Variants in CLEC2A observed in about 807,000 individuals in gnomAD.
CLEC2A encodes the protein C-type lectin domain family 2 member A, also known as keratinocyte-associated C-type lectin.
Under a neutral mutation model 18.6 loss-of-function variants are expected in CLEC2A, and 19 were observed. That is an observed-to-expected ratio of 1.02 (90% CI 0.71 to 1.50). The LOEUF (loss-of-function observed/expected upper bound fraction) is 1.50, where lower values mean the gene tolerates loss of function less well. CLEC2A is among the 40% of genes most tolerant of loss of function. The pLI, the probability that CLEC2A is intolerant of heterozygous loss-of-function variation, is 0.00. For synonymous variants in CLEC2A, 74 were observed against 64.0 expected (o/e 1.16, Z -0.75); for missense variants, 190 against 207.9 (o/e 0.91, Z 0.53).
chr12:9,889,010 G>A, the CLEC2A span, among the ~76,000 whole-genome samples: 2 of 152,132 alleles, frequency 1.3e-5, no homozygotes, highest in South Asian at 4.1e-4. Context: ...GTTTTAGTGA[G>A]TCAACAACAG....
At chr12:9,888,500 T>A in the CLEC2A span, among the ~76,000 whole-genome samples, 69 of 149,858 alleles carry the variant, frequency 4.6e-4, no homozygotes, top group African/African-American at 1.7e-3. Flanking sequence ...AAAAAAAAAA[T>A]AAAAATAATA....
At chr12:9,904,882 G>A (rs886086328) in intron 4 of CLEC2A, among the ~76,000 whole-genome samples, 1 of 152,092 alleles carries the variant, frequency 6.6e-6, no homozygotes, top group Non-Finnish European at 1.5e-5. Context: ...GTCCATGTTG[G>A]GTGGTCTGCC....
At position 9,913,603 on chromosome 12, in the gene CLEC2A, A is replaced by T. The variant is rs1410571942; in HGVS notation, c.488T>A (p.Ile163Asn). The T allele has an allele frequency of 9.0e-6, 14 of 1,549,856 alleles. No homozygotes were observed. The highest frequency in any genetic ancestry group is 6.0e-5 in the South Asian group (5 of 83,880). ...TTTAGGTTTGCTGCAAATCCACTTG[A>T]TATCAATAAATCCTCTGGAACTATG... is the stretch of plus-strand genomic sequence containing the variant. The part of the protein sequence containing the change: ...GVHSSRGFID[I>N]KWICSKPKYF... Residue 163 changes from isoleucine to asparagine, a missense_variant, in exon 5 of 5, where the codon ATC becomes AAC. Transcript: ENST00000455827.
chr12:9,881,722 G>A, the CLEC2A span: 65 of 1,200,810 alleles, frequency 5.4e-5, no homozygotes, highest in Non-Finnish European at 7.5e-5. Flanking sequence ...TCTAGGAAGA[G>A]AATTATCTTA....
At chr12:9,884,982 G>A in the CLEC2A span, 7 of 1,349,760 alleles carry the variant, frequency 5.2e-6, no homozygotes, top group Non-Finnish European at 5.7e-6. Flanking sequence ...ATATTTGGAT[G>A]CATTGTGATC....
chr12:9,887,576 T>A, the CLEC2A span, among the ~76,000 whole-genome samples: 6 of 152,182 alleles, frequency 3.9e-5, no homozygotes, highest in Non-Finnish European at 2.9e-5. Context: ...TTGGATAGAA[T>A]GAAGCTAGCC....
chr12:9,897,909 G>A (rs573573564), downstream of CLEC2A, among the ~76,000 whole-genome samples: 1 of 152,222 alleles, frequency 6.6e-6, no homozygotes, highest in African/African-American at 2.4e-5. Context: ...AGCATTTGGT[G>A]GAAAATAGAC....
the CLEC2A span, among the ~76,000 whole-genome samples, chr12:9,882,538 G>A: frequency 1.3e-5 from 2 of 152,164 alleles, no homozygotes; most frequent in African/African-American, 4.8e-5. Context: ...AGCACTTTGG[G>A]ATGCAGAGGT....
chr12:9,881,669 G>A, the CLEC2A span: 3 of 1,530,378 alleles, frequency 2.0e-6, no homozygotes, highest in Non-Finnish European at 1.8e-6. Context: ...TCTAAAGGTA[G>A]GAATACTGCT....
chr12:9,889,066 C>T, the CLEC2A span, among the ~76,000 whole-genome samples: 7 of 152,292 alleles, frequency 4.6e-5, no homozygotes, highest in South Asian at 2.1e-4. Context: ...AAATATTTAT[C>T]GAGCATCCAC....
chr12:9,926,343 A>G lies in CLEC2A; in HGVS notation c.56T>C (p.Val19Ala). Residue 19 changes from valine to alanine, a missense_variant and splice_region_variant, in exon 2 of 5, where the codon GTT becomes GCT. Transcript: ENST00000455827. ...CTTCCAGTTTTGTATCAACTTGGGA[A>G]CTGCAAATTAAATCAACACATATTT... is the stretch of plus-strand genomic sequence containing the variant. ...GRADGFIHRI[V>A]PKLIQNWKIG... The G allele has an allele frequency of 6.5e-7, 1 of 1,536,138 alleles. No homozygotes were observed. The highest frequency in any genetic ancestry group is 8.8e-7 in the Non-Finnish European group (1 of 1,133,408).
intron 4 of CLEC2A, among the ~76,000 whole-genome samples, chr12:9,906,775 C>T (rs1019107976): frequency 6.6e-6 from 1 of 152,190 alleles, no homozygotes; most frequent in Non-Finnish European, 1.5e-5. Context: ...ACAAATACCA[C>T]CCAGTTTTGA....
At chr12:9,891,565 C>T in the CLEC2A span, among the ~76,000 whole-genome samples, 1 of 152,186 alleles carries the variant, frequency 6.6e-6, no homozygotes, top group East Asian at 1.9e-4. Context: ...TATCCCCTCT[C>T]AAATCATAAC....
At chr12:9,913,750 G>C in intron 4 of CLEC2A, 70 bp from the exon 5 acceptor site, 1 of 998,792 alleles carries the variant, frequency 1.0e-6, no homozygotes, top group Non-Finnish European at 1.5e-6. Context: ...ATTAATAATA[G>C]AGTGATTTTA....
At chr12:9,909,875 T>C (rs1862958583), downstream of CLEC2A, among the ~76,000 whole-genome samples, 1 of 150,812 alleles carries the variant, frequency 6.6e-6, no homozygotes, top group African/African-American at 2.4e-5. Context: ...AGGGGGAGAA[T>C]TGGGGGTATT....
intron 2 of CLEC2A, among the ~76,000 whole-genome samples, chr12:9,923,772 T>C (rs993723350): frequency 2.0e-5 from 3 of 152,142 alleles, no homozygotes; most frequent in Non-Finnish European, 4.4e-5. Context: ...GTTCATGTCC[T>C]TTGTAGGGAC....
chr12:9,928,456 C>T (rs1053235478), intron 1 of CLEC2A, among the ~76,000 whole-genome samples: 3 of 151,572 alleles, frequency 2.0e-5, no homozygotes, highest in Non-Finnish European at 4.4e-5. Context: ...CAGAGTGAGG[C>T]TCTGTCTTAA....
At chr12:9,918,305 T>A (rs1863105518) in intron 3 of CLEC2A, among the ~76,000 whole-genome samples, 1 of 152,212 alleles carries the variant, frequency 6.6e-6, no homozygotes, top group African/African-American at 2.4e-5. Context: ...CTTGCTTCAA[T>A]CCTTTGCATA....
chr12:9,931,712 G>T (rs905633153), intron 1 of CLEC2A, among the ~76,000 whole-genome samples: 1 of 151,996 alleles, frequency 6.6e-6, no homozygotes, highest in Non-Finnish European at 1.5e-5. Flanking sequence ...TAAAGTTTTG[G>T]CAGGCTTCCT....
Sources: allele counts gnomAD v4.1 joint callset (sites outside exome capture counted in the v4.1 genomes callset), GRCh38; gene constraint gnomAD v4.1.1; transcripts MANE v1.5; gene names NCBI Gene and HGNC (gene_info 2026-07-23, HGNC 2026-07-21).